Variants in RBFOX1 observed in about 807,000 individuals in gnomAD.
RBFOX1 encodes RNA binding fox-1 homolog 1, also known as RNA binding protein fox-1 homolog 1.
A neutral mutation model predicts 57.7 loss-of-function variants in RBFOX1; 8 were observed. That is an observed-to-expected ratio of 0.14 (90% CI 0.08 to 0.25). The LOEUF is 0.25. Among genes scored for constraint, RBFOX1 ranks in the 10% least tolerant of loss-of-function variants. The probability of loss-of-function intolerance (pLI) is 1.00; values close to 1 mark genes in which losing one functional copy is unlikely to be tolerated. For synonymous variants in RBFOX1, 326 were observed against 222.4 expected, an observed-to-expected ratio of 1.47 and a Z score of -4.15; for missense variants, 611 against 548.5, an observed-to-expected ratio of 1.11 and a Z score of -1.14.
intron 3 of RBFOX1, among the ~76,000 whole-genome samples, chr16:6,786,688 C>G (rs1403475106): frequency 4.6e-5 from 7 of 152,114 alleles, no homozygotes; most frequent in Admixed American, 2.0e-4. Context: ...GTTCTGTTTT[C>G]CCTGAATGGG....
chr16:6,721,647 T>A (rs1289893004), intron 3 of RBFOX1: 1 of 152,192 alleles, frequency 6.6e-6, no homozygotes, highest in African/African-American at 2.4e-5. Context: ...CTTTGTGAAT[T>A]CCTATTCTAG....
intron 4 of RBFOX1, among the ~76,000 whole-genome samples, chr16:7,378,904 A>C (rs2097734673): frequency 6.6e-6 from 1 of 152,222 alleles, no homozygotes; most frequent in African/African-American, 2.4e-5. Flanking sequence ...TCTTTAGATT[A>C]TCACTGTTTC....
At chr16:7,546,375 A>G (rs972791197) in intron 5 of RBFOX1, among the ~76,000 whole-genome samples, 7 of 77,724 alleles carry the variant, frequency 9.0e-5, no homozygotes, top group Non-Finnish European at 2.1e-4. Context: ...AAATAAAATA[A>G]AATAATAAAA....
At chr16:7,058,288 G>C (rs2053110199) in intron 4 of RBFOX1, among the ~76,000 whole-genome samples, 1 of 152,130 alleles carries the variant, frequency 6.6e-6, no homozygotes, top group Admixed American at 6.6e-5. Flanking sequence ...TTAAACTAAA[G>C]TATCTTTAGC....
chr16:6,564,583 G>A (rs1295982078), intron 2 of RBFOX1, among the ~76,000 whole-genome samples: 1 of 152,130 alleles, frequency 6.6e-6, no homozygotes, highest in Non-Finnish European at 1.5e-5. Flanking sequence ...CTGATATATG[G>A]AATCTAAAAA....
intron 1 of RBFOX1, among the ~76,000 whole-genome samples, chr16:6,283,180 A>G (rs967215633): frequency 1.3e-5 from 2 of 152,074 alleles, no homozygotes; most frequent in African/African-American, 4.8e-5. Flanking sequence ...GTGAAAAATT[A>G]GTTGGGCTTG....
At chr16:6,873,948 A>T (rs1017521657) in intron 3 of RBFOX1, 2 of 152,204 alleles carry the variant, frequency 1.3e-5, no homozygotes, top group Non-Finnish European at 2.9e-5. Flanking sequence ...TACAGAGAAG[A>T]TTAGCGTGAC....
intron 2 of RBFOX1, among the ~76,000 whole-genome samples, chr16:5,596,720 G>A (rs2047195369): frequency 6.6e-6 from 1 of 152,176 alleles, no homozygotes; most frequent in South Asian, 2.1e-4. Flanking sequence ...GGACTGAAAA[G>A]AAAGTGACAA....
At chr16:7,085,888 C>T (rs1257514777) in intron 4 of RBFOX1, among the ~76,000 whole-genome samples, 1 of 152,184 alleles carries the variant, frequency 6.6e-6, no homozygotes, top group Non-Finnish European at 1.5e-5. Context: ...CCCCATCAAA[C>T]CAGGATGGTT....
chr16:6,513,915 C>T (rs1423833889), intron 2 of RBFOX1, among the ~76,000 whole-genome samples: 1 of 152,062 alleles, frequency 6.6e-6, no homozygotes, highest in Non-Finnish European at 1.5e-5. Flanking sequence ...AAAGAGATCC[C>T]CAAGTGGAAA....
At chr16:7,504,775 A>T (rs1287067100) in intron 4 of RBFOX1, among the ~76,000 whole-genome samples, 5 of 14,232 alleles carry the variant, frequency 3.5e-4, no homozygotes, top group East Asian at 8.7e-4. Context: ...ATATATTTAT[A>T]TATATATATA....
At chr16:7,451,570 T>TA (rs2098858525) in intron 4 of RBFOX1, among the ~76,000 whole-genome samples, 1 of 152,158 alleles carries the variant, frequency 6.6e-6, no homozygotes, top group Non-Finnish European at 1.5e-5. Context: ...CTCTGGCTCT[T>TA]AGAGACTGGC....
At chr16:5,451,708 G>T (rs951271006) in intron 1 of RBFOX1, among the ~76,000 whole-genome samples, 4 of 152,164 alleles carry the variant, frequency 2.6e-5, no homozygotes, top group Admixed American at 2.0e-4. Context: ...TTAATGATAG[G>T]CAGTGTCTCT....
In RBFOX1 at chr16:7,076,056, T is replaced by G. The variant is rs376681927; in HGVS notation, c.27+23958T>G. 5.3e-5 allele frequency among the ~76,000 whole-genome samples: 8 copies of G among 151,760 alleles called. No homozygotes were observed. In the South Asian group the frequency reaches 8.3e-4, roughly 16 times the overall value. Reference sequence around the variant, plus strand: ...CTTGGGCTTTTTTTTTTTTTCTTTTTTTTTCGAGACGAGTCTTGTTCTATT... The same window carrying G: ...CTTGGGCTTTTTTTTTTTTTCTTTTGTTTTCGAGACGAGTCTTGTTCTATT... On this transcript the variant is annotated intron_variant, in intron 4 of 15. Transcript: ENST00000550418.
At chr16:6,962,651 A>C (rs2083270357) in intron 3 of RBFOX1, among the ~76,000 whole-genome samples, 1 of 151,968 alleles carries the variant, frequency 6.6e-6, no homozygotes. Flanking sequence ...GATTGGTTGA[A>C]CTCAGGAGTT....
At position 5,447,378 on chromosome 16, in the gene RBFOX1, A is replaced by ATCTCTCTCTCTCTCTCTCTCTC. The variant is rs71142623; in HGVS notation, c.220-19827_220-19806dup. ...TCATTCAATGTCAATCAATCAATCA[A>ATCTCTCTCTCTCTCTCTCTCTC]TCTCTCTCTCTCTCTCTCTCTCTCT... On this transcript the variant is annotated intron_variant, in intron 1 of 2. Coordinates refer to the RBFOX1 transcript ENST00000585867. Among the ~76,000 whole-genome samples the ATCTCTCTCTCTCTCTCTCTCTC allele has an allele frequency of 1.4e-3, 186 of 134,434 alleles. 7 individuals carry two copies. The highest frequency in any genetic ancestry group is 4.5e-3 in the African/African-American group (149 of 33,342). The allele number at this position is 134,434 out of a possible 152,430, so 88.2% of individuals were successfully genotyped here.
At chr16:6,265,667 A>AACCACCAAATTAGCTTTGGTGCACCC (rs2074390724) in intron 1 of RBFOX1, among the ~76,000 whole-genome samples, 1 of 152,218 alleles carries the variant, frequency 6.6e-6, no homozygotes, top group Non-Finnish European at 1.5e-5. Flanking sequence ...TATGTGCGTC[A>AACCACCAAATTAGCTTTGGTGCACCC]ACCACCAAAT....
At chr16:7,007,984 G>A (rs979402620) in intron 3 of RBFOX1, among the ~76,000 whole-genome samples, 4 of 152,120 alleles carry the variant, frequency 2.6e-5, no homozygotes, top group Non-Finnish European at 5.9e-5. Context: ...AGAAATGGTA[G>A]CAAAATAAAA....
At chr16:6,950,816 C>G (rs2080569409) in intron 3 of RBFOX1, among the ~76,000 whole-genome samples, 1 of 152,076 alleles carries the variant, frequency 6.6e-6, no homozygotes, top group East Asian at 1.9e-4. Flanking sequence ...TGCTAAAGGA[C>G]TACATTTCCT....
Sources: gnomAD v4.1 joint callset for allele counts (sites outside exome capture counted in the v4.1 genomes callset) on GRCh38, gnomAD v4.1.1 for gene constraint, MANE v1.5 for transcripts, NCBI Gene and HGNC (gene_info 2026-07-23, HGNC 2026-07-21) for gene names.